NUP210L: variants seen among roughly 807,000 people sequenced by gnomAD.
NUP210L encodes the protein nuclear pore membrane glycoprotein 210-like.
NUP210L carries 74 observed loss-of-function variants against 208.5 expected under a neutral mutation model. That is an observed-to-expected ratio of 0.35 (90% confidence interval 0.29 to 0.43). The LOEUF is 0.43. Among genes scored for constraint, NUP210L ranks in the 20% least tolerant of loss-of-function variants. The pLI is 1.00. For missense variants in NUP210L, 1,843 were observed against 2,289.4 expected (o/e 0.81, Z 3.98); for synonymous variants, 780 against 816.9 (o/e 0.95, Z 0.77).
At chr1:154,042,553 AGTAGCTGGGATTACAG>A (rs1652944503) in intron 27 of NUP210L, among the ~76,000 whole-genome samples, 1 of 151,750 alleles carries the variant, frequency 6.6e-6, no homozygotes, top group Admixed American at 6.6e-5. Context: ...CAGCCTCCTC[AGTAGCTGGGATTACAG>A]GTGCCCGCCA....
chr1:154,030,117 T>C, intron 27 of NUP210L, 63 bp from the exon 28 acceptor site: 1 of 1,209,772 alleles, frequency 8.3e-7, no homozygotes, highest in Non-Finnish European at 1.1e-6. Flanking sequence ...TTCCTTTTTT[T>C]TTCACTTTTT....
chr1:154,034,951 C>T (rs1390853669), intron 27 of NUP210L, among the ~76,000 whole-genome samples: 1 of 151,304 alleles, frequency 6.6e-6, no homozygotes, highest in Admixed American at 6.6e-5. Flanking sequence ...AAGTGATTCT[C>T]CTGCCTCAGC....
intron 30 of NUP210L, among the ~76,000 whole-genome samples, chr1:154,025,171 G>A (rs1318421437): frequency 2.0e-5 from 3 of 146,576 alleles, no homozygotes; most frequent in African/African-American, 5.0e-5. Flanking sequence ...CTCGTGATCC[G>A]CCTGCCTCAG....
Position 154,017,620 on chromosome 1 carries a change from G to A in NUP210L, c.4653+1313C>T, listed in dbSNP as rs1394646290. On this transcript the variant is annotated intron_variant, in intron 33 of 39. Transcript: ENST00000368559. ...CAACCTCTGCCTCCTGGGTTCAAGC[G>A]ATTCTCCTACCTCAGCCTCCTGAGT... 4.0e-5 allele frequency among the ~76,000 whole-genome samples: 6 copies of A among 150,048 alleles called. No homozygotes were observed. In the East Asian group the frequency reaches 8.1e-4, roughly 20 times the overall value.
At position 154,092,691 on chromosome 1, in the gene NUP210L, G is replaced by T. The variant is rs1209260341; in HGVS notation, c.2187+2244C>A. Among the ~76,000 whole-genome samples, 3 of 150,836 alleles carry T rather than the reference G, an allele frequency of 2.0e-5. No individual in the cohort carries two copies. The Admixed American group carries it at 2.0e-4, about 10-fold the overall frequency. On this transcript the variant is annotated intron_variant, in intron 15 of 39. Coordinates refer to ENST00000368559, the Ensembl canonical transcript of NUP210L. Reference sequence around the variant, plus strand: ...CATAAGCCACCACACCCAGCCAAGAGTTATTCTTTAATGGGTATAGAGTTT... The same window carrying T: ...CATAAGCCACCACACCCAGCCAAGATTTATTCTTTAATGGGTATAGAGTTT...
chr1:154,125,622 A>G (rs115869783), intron 10 of NUP210L, among the ~76,000 whole-genome samples: 959 of 57,410 alleles, frequency 0.017, 10 homozygotes, highest in African/African-American at 0.055. Flanking sequence ...GCCCTCTCTG[A>G]AAGGAAGGAA....
intron 8 of NUP210L, among the ~76,000 whole-genome samples, chr1:154,127,633 C>T (rs1658053065): frequency 6.7e-6 from 1 of 149,008 alleles, no homozygotes; most frequent in Non-Finnish European, 1.5e-5. Context: ...TCACTGCAAC[C>T]TCTGCCTCCT....
chr1:154,143,985 TC>T (rs1658987946), intron 2 of NUP210L, among the ~76,000 whole-genome samples: 1 of 151,960 alleles, frequency 6.6e-6, no homozygotes, highest in Non-Finnish European at 1.5e-5. Context: ...ATCAAGACCA[TC>T]CTGGCTAACA....
At chr1:154,099,955 T>C (rs1222064539) in intron 14 of NUP210L, 43 bp downstream of exon 14, 1 of 1,597,076 alleles carries the variant, frequency 6.3e-7, no homozygotes, top group Non-Finnish European at 8.6e-7. Context: ...CATAGTTAAG[T>C]CCATTAAAAG....
chr1:154,132,651 TG>T (rs1009045994), intron 7 of NUP210L, among the ~76,000 whole-genome samples: 11 of 151,886 alleles, frequency 7.2e-5, no homozygotes, highest in African/African-American at 2.4e-4. Flanking sequence ...ACTGAAAATA[TG>T]GGGGAAAAAA....
intron 6 of NUP210L, 75 bp downstream of exon 6, chr1:154,138,031 T>C: frequency 2.9e-6 from 3 of 1,028,142 alleles, no homozygotes; most frequent in Non-Finnish European, 4.1e-6. Flanking sequence ...TCATATGTAA[T>C]GTGGAGTTGC....
At chr1:154,112,319 T>C (rs946294001) in intron 12 of NUP210L, among the ~76,000 whole-genome samples, 1 of 152,120 alleles carries the variant, frequency 6.6e-6, no homozygotes, top group African/African-American at 2.4e-5. Flanking sequence ...GGTGGGAGGA[T>C]TGCTTGAGCC....
chr1:154,020,725 C>A (rs192773491), intron 32 of NUP210L, among the ~76,000 whole-genome samples: 4 of 151,696 alleles, frequency 2.6e-5, no homozygotes, highest in Admixed American at 2.6e-4. Context: ...CGGGGTTTCA[C>A]CATGCTGGCC....
At chr1:154,077,480 T>G (rs935725417) in intron 16 of NUP210L, among the ~76,000 whole-genome samples, 8 of 151,940 alleles carry the variant, frequency 5.3e-5, no homozygotes, top group African/African-American at 1.5e-4. Context: ...CATTCTAAGA[T>G]CCAACAAAAA....
exon 23 of NUP210L, chr1:154,056,912 T>A: frequency 6.2e-7 from 1 of 1,609,684 alleles, no homozygotes; most frequent in South Asian, 1.1e-5. Flanking sequence ...TCGAAGAATA[T>A]AATTTTCAGA....
chr1:154,004,518 A>G (rs1254866308), intron 35 of NUP210L, among the ~76,000 whole-genome samples: 1 of 150,488 alleles, frequency 6.6e-6, no homozygotes, highest in African/African-American at 2.4e-5. Context: ...CAGGTGCCCT[A>G]CTAATTTTTG....
chr1:154,091,501 CTT>C (rs772608860), intron 15 of NUP210L, among the ~76,000 whole-genome samples: 11 of 124,618 alleles, frequency 8.8e-5, no homozygotes, highest in Admixed American at 2.4e-4. Flanking sequence ...CTTTTCTTTT[CTT>C]TTTTTTTTTT....
At chr1:154,135,397 T>C (rs1658480357) in intron 7 of NUP210L, among the ~76,000 whole-genome samples, 1 of 152,078 alleles carries the variant, frequency 6.6e-6, no homozygotes, top group Non-Finnish European at 1.5e-5. Flanking sequence ...ATAAAACCTA[T>C]AGGAAAACAC....
chr1:154,096,449 G>T (rs1273052613), intron 14 of NUP210L, among the ~76,000 whole-genome samples: 1 of 152,138 alleles, frequency 6.6e-6, no homozygotes, highest in Non-Finnish European at 1.5e-5. Flanking sequence ...AGTAGGTAAA[G>T]AATATAATAA....
Sources: gnomAD v4.1 joint callset for allele counts (sites outside exome capture counted in the v4.1 genomes callset) on GRCh38, gnomAD v4.1.1 for gene constraint, MANE v1.5 for transcripts, NCBI Gene and HGNC (gene_info 2026-07-23, HGNC 2026-07-21) for gene names.